The following ALG6 variants were observed in gnomAD, a reference collection of about 807,000 sequenced individuals.
ALG6 encodes ALG6 alpha-1,3-glucosyltransferase.
A neutral mutation model predicts 66.6 loss-of-function variants in ALG6; 46 were observed. That is an observed-to-expected ratio of 0.69 (90% CI 0.55 to 0.88). The LOEUF (loss-of-function observed/expected upper bound fraction) is 0.88. Ranked by LOEUF, ALG6 falls within the 40% of genes least tolerant of loss-of-function variation. The pLI is 0.00. For missense variants in ALG6, 505 were observed against 586.8 expected, an observed-to-expected ratio of 0.86 and a Z score of 1.44; for synonymous variants, 185 against 203.7, an observed-to-expected ratio of 0.91 and a Z score of 0.78.
chr1:63,391,104 A>G (rs1648661799), intron 2 of ALG6, among the ~76,000 whole-genome samples: 1 of 152,118 alleles, frequency 6.6e-6, no homozygotes, highest in Non-Finnish European at 1.5e-5. Flanking sequence ...TTTGTTTTTT[A>G]ATATGCTTAT....
At chr1:63,375,806 T>C (rs1648104852) in intron 2 of ALG6, among the ~76,000 whole-genome samples, 1 of 152,156 alleles carries the variant, frequency 6.6e-6, no homozygotes, top group African/African-American at 2.4e-5. Context: ...ATTTAGGCTC[T>C]CTCTTTTTTC....
chr1:63,393,626 A>G (rs1032452332), intron 2 of ALG6, among the ~76,000 whole-genome samples: 1 of 152,224 alleles, frequency 6.6e-6, no homozygotes, highest in African/African-American at 2.4e-5. Context: ...TGGAATAAGA[A>G]GCATGAACAG....
chr1:63,393,722 C>T (rs771064353), intron 2 of ALG6, among the ~76,000 whole-genome samples: 2 of 152,172 alleles, frequency 1.3e-5, no homozygotes, highest in Non-Finnish European at 2.9e-5. Context: ...AAAGCAACCT[C>T]GGCAAAATTA....
chr1:63,367,865 G>T (rs901706549), intron 1 of ALG6, among the ~76,000 whole-genome samples, 178 bp downstream of exon 1: 19 of 152,206 alleles, frequency 1.2e-4, no homozygotes, highest in Admixed American at 2.6e-4. Flanking sequence ...TGTGGGTCGG[G>T]TGAGGGGACG....
chr1:63,406,316 G>C lies in ALG6; in HGVS notation c.347-1G>C. 1.2e-6 allele frequency: 2 copies of C among 1,612,890 alleles called. No homozygotes were observed. Among genetic ancestry groups the C allele is most frequent in the Non-Finnish European group, 1.7e-6 (2 of 1,179,216 alleles). On this transcript the variant is annotated splice_acceptor_variant, in intron 5 of 14. Transcript: ENST00000263440. LOFTEE classifies it high-confidence loss of function. ...TTAAAGTTATTTACTTGTGTTTTCA[G>C]TTTTAATTGCTGATCTGCTGATTTA... is the stretch of plus-strand genomic sequence containing the variant.
At chr1:63,428,877 A>G (rs748955343) in intron 13 of ALG6, 51 bp from the exon 14 acceptor site, 4 of 1,588,910 alleles carry the variant, frequency 2.5e-6, no homozygotes, top group Admixed American at 1.7e-5. Context: ...TGAAGTGGTT[A>G]TGGTTTGAAT....
At chr1:63,435,455 TG>T (rs1238058863) in intron 14 of ALG6, among the ~76,000 whole-genome samples, 1 of 152,194 alleles carries the variant, frequency 6.6e-6, no homozygotes, top group Admixed American at 6.5e-5. Context: ...CCATTTGGAA[TG>T]ATCACTGCAT....
At chr1:63,382,923 G>C (rs1416565908) in intron 2 of ALG6, among the ~76,000 whole-genome samples, 2 of 151,968 alleles carry the variant, frequency 1.3e-5, no homozygotes, top group South Asian at 4.1e-4. Context: ...TGATCCGCCC[G>C]TCTCGGCCTC....
At chr1:63,399,689 TA>T (rs199844611) in intron 3 of ALG6, among the ~76,000 whole-genome samples, 4,012 of 152,216 alleles carry the variant, frequency 0.026, 164 homozygotes, top group African/African-American at 0.092. Context: ...TTTTTTTCTT[TA>T]AACAAAAATA....
intron 5 of ALG6, 60 bp downstream of exon 5, chr1:63,404,601 G>C: frequency 1.5e-6 from 2 of 1,351,132 alleles, no homozygotes; most frequent in Non-Finnish European, 2.1e-6. Flanking sequence ...TGGACAAACT[G>C]GTAAAGGTAC....
At position 63,401,740 on chromosome 1, in the gene ALG6, T is replaced by C. The variant is rs551508735; in HGVS notation, c.168-514T>C. Reference sequence around the variant, plus strand: ...TTATATAGTTTGGCTTGCACTGTTGTATTCTTATGATTGAGAAAATAAATG... The same window carrying C: ...TTATATAGTTTGGCTTGCACTGTTGCATTCTTATGATTGAGAAAATAAATG... On this transcript the variant is annotated intron_variant, in intron 3 of 14. Transcript: ENST00000263440. Among the ~76,000 whole-genome samples, 87 of 152,296 alleles carry C rather than the reference T, an allele frequency of 5.7e-4. 4 individuals are homozygous for C. The South Asian group carries it at 0.018, about 31-fold the overall frequency.
At chr1:63,430,760 G>T (rs1557598137) in intron 14 of ALG6, among the ~76,000 whole-genome samples, 3 of 152,002 alleles carry the variant, frequency 2.0e-5, no homozygotes, top group Admixed American at 6.6e-5. Context: ...AGTTGTAAGA[G>T]TTTTTTTAAT....
intron 7 of ALG6, among the ~76,000 whole-genome samples, chr1:63,409,442 G>A (rs1331959956): frequency 1.3e-5 from 2 of 151,792 alleles, no homozygotes; most frequent in Non-Finnish European, 2.9e-5. Flanking sequence ...TTTCTTTCTT[G>A]AGCCTATTAG....
At chr1:63,375,412 T>G (rs1648090602) in intron 2 of ALG6, among the ~76,000 whole-genome samples, 1 of 123,350 alleles carries the variant, frequency 8.1e-6, no homozygotes, top group Non-Finnish European at 1.8e-5. Flanking sequence ...CCCCCGGCAT[T>G]TTTTTTTTTT....
In ALG6 at chr1:63,429,060, C is replaced by T; in HGVS notation, c.1260C>T (p.Ser420=). The T allele has an allele frequency of 6.2e-7, 1 of 1,605,774 alleles. No individual in the cohort carries two copies. The highest frequency in any genetic ancestry group is 8.5e-7 in the Non-Finnish European group (1 of 1,176,234). The stretch of plus-strand genomic sequence containing the variant: ...CTGAAGAAGAACTGCAGTTGAAATC[C>T]TTTTCCATTTCTGTGAGGAAATATC... ...KTSEEELQLK[S]FSISVRKYLP... is the part of the protein sequence containing the mutation. Residue 420 remains serine (S), a synonymous_variant, in exon 14 of 15, where the codon TCC becomes TCT. Coordinates refer to ENST00000263440, the MANE Select transcript of ALG6 (RefSeq NM_013339.4).
chr1:63,414,932 G>A lies in ALG6; in HGVS notation c.902+786G>A, dbSNP rs146984761. On this transcript the variant is annotated intron_variant, in intron 10 of 14. Transcript: ENST00000263440. ...GATGCTGTTAGGGAAGGCCTCAGCC[G>A]TCTTTTAAAGGGCTTTTATTTGATT... Among the ~76,000 whole-genome samples, 21 of 152,298 alleles carry A rather than the reference G, an allele frequency of 1.4e-4. No individual in the cohort carries two copies. In the East Asian group the frequency reaches 3.1e-3, roughly 22 times the overall value.
At chr1:63,428,682 G>A (rs373976596) in intron 12 of ALG6, 51 bp from the exon 13 acceptor site, 350 of 1,294,538 alleles carry the variant, frequency 2.7e-4, no homozygotes, top group Non-Finnish European at 3.7e-4. Context: ...ACAATTAGGA[G>A]TTGAAGTTAT....
rs1012872 is a variant in ALG6 at position 63,406,210 on chromosome 1, A to G, written c.347-107A>G. The stretch of plus-strand genomic sequence containing the variant: ...TAAAGGACTTGTCCATAGTAGGGCA[A>G]GAACCTTGTGTTAATGAATTCTCAA... On this transcript the variant is annotated intron_variant, in intron 5 of 14. Transcript: ENST00000263440. 361,479 of 1,002,388 alleles carry G rather than the reference A, an allele frequency of 0.36. 67,114 individuals carry two copies. The highest frequency in any genetic ancestry group is 0.49 in the Admixed American group (27,238 of 55,408). 62.1% of individuals were successfully genotyped at this position (1,002,388 alleles called of 1,614,324 possible).
In ALG6 at chr1:63,437,394, T is replaced by C. The variant is rs899233684; in HGVS notation, c.*374T>C. ...GCTTTGTCTAAACCTACTTCCTTCATCAGACCATATAGTGAGCTTCATGGG... is the reference window on the plus strand; with the variant it reads ...GCTTTGTCTAAACCTACTTCCTTCACCAGACCATATAGTGAGCTTCATGGG... On this transcript the variant is annotated 3_prime_UTR_variant, in exon 15 of 15. Transcript: ENST00000263440. 2 of 260,826 alleles carry C rather than the reference T, an allele frequency of 7.7e-6. No individual in the cohort carries two copies. The highest frequency in any genetic ancestry group is 1.5e-5 in the Non-Finnish European group (2 of 133,852). The allele number at this position is 260,826 out of a possible 1,614,324, so 16.2% of individuals were successfully genotyped here. A position where few individuals can be genotyped will look rare whatever the true frequency, so the allele number is the denominator to read the frequency against.
Sources: allele counts gnomAD v4.1 joint callset (sites outside exome capture counted in the v4.1 genomes callset), GRCh38; gene constraint gnomAD v4.1.1; transcripts MANE v1.5; gene names NCBI Gene and HGNC (gene_info 2026-07-23, HGNC 2026-07-21).